The following SIPA1L1 variants were observed in gnomAD, a reference collection of about 807,000 sequenced individuals.
SIPA1L1 encodes signal induced proliferation associated 1 like 1, also known as signal-induced proliferation-associated 1-like protein 1.
In SIPA1L1, 26 loss-of-function variants were observed where a neutral mutation model predicts 162.7. That is an observed-to-expected ratio of 0.16 (90% CI 0.12 to 0.22). The LOEUF (loss-of-function observed/expected upper bound fraction) is 0.22, where lower values mean the gene tolerates loss of function less well. Ranked by LOEUF, SIPA1L1 falls within the 10% of genes least tolerant of loss-of-function variation. The pLI, the probability that SIPA1L1 is intolerant of heterozygous loss-of-function variation, is 1.00. For missense variants in SIPA1L1, 1,874 were observed against 2,241.0 expected (o/e 0.84, Z 3.31); for synonymous variants, 829 against 837.4 (o/e 0.99, Z 0.17).
At chr14:71,738,577 C>G (rs542638644) in intron 23 of SIPA1L1, among the ~76,000 whole-genome samples, 1 of 152,296 alleles carries the variant, frequency 6.6e-6, no homozygotes, top group Admixed American at 6.5e-5. Flanking sequence ...TCTGGGTCCT[C>G]TCCCGGCCTC....
chr14:71,553,007 C>T (rs1028174480), intron 4 of SIPA1L1, among the ~76,000 whole-genome samples: 3 of 152,100 alleles, frequency 2.0e-5, no homozygotes, highest in Admixed American at 1.3e-4. Flanking sequence ...ATGCCAATAG[C>T]GCCTCCTCAG....
intron 2 of SIPA1L1, among the ~76,000 whole-genome samples, chr14:71,401,202 C>G (rs1160513236): frequency 6.6e-6 from 1 of 152,100 alleles, no homozygotes; most frequent in Non-Finnish European, 1.5e-5. Context: ...CTCAAATGCC[C>G]GAAGAGTCAC....
intron 6 of SIPA1L1, among the ~76,000 whole-genome samples, chr14:71,621,574 A>G (rs1415274321): frequency 1.3e-5 from 2 of 151,884 alleles, no homozygotes; most frequent in East Asian, 1.9e-4. Flanking sequence ...TAAAATTTCT[A>G]TTCCCCTCCC....
chr14:71,458,449 CA>C (rs1287331616), intron 2 of SIPA1L1, among the ~76,000 whole-genome samples: 3 of 152,030 alleles, frequency 2.0e-5, no homozygotes, highest in African/African-American at 7.3e-5. Context: ...ATCAGAGTAA[CA>C]AAAATGTTGT....
At chr14:71,625,673 T>C (rs1024052162) in intron 7 of SIPA1L1, among the ~76,000 whole-genome samples, 1 of 152,356 alleles carries the variant, frequency 6.6e-6, no homozygotes, top group Non-Finnish European at 1.5e-5. Flanking sequence ...ATTCTGAACA[T>C]TTATTCTAAC....
At chr14:71,502,251 AAAAAATAT>A (rs1317445205) in intron 2 of SIPA1L1, among the ~76,000 whole-genome samples, 3 of 60,952 alleles carry the variant, frequency 4.9e-5, no homozygotes, top group African/African-American at 1.8e-4. Flanking sequence ...TGAAAAAAAA[AAAAAATAT>A]ATATATATAT....
intron 2 of SIPA1L1, 84 bp downstream of exon 2, chr14:71,321,265 T>G (rs1416388932): frequency 6.6e-6 from 1 of 152,178 alleles, no homozygotes; most frequent in Non-Finnish European, 1.5e-5. Flanking sequence ...TGGCCGGGGT[T>G]GGGGTCCAGG....
intron 2 of SIPA1L1, chr14:71,379,358 C>T (rs942044315): frequency 2.6e-5 from 4 of 151,746 alleles, no homozygotes; most frequent in Non-Finnish European, 4.4e-5. Flanking sequence ...GGCTGGAATA[C>T]AGTGGCCTGA....
intron 16 of SIPA1L1, among the ~76,000 whole-genome samples, chr14:71,706,024 C>T (rs1196928627): frequency 2.6e-5 from 4 of 151,914 alleles, no homozygotes; most frequent in African/African-American, 4.8e-5. Flanking sequence ...TTTATATTCA[C>T]GTCATTCTAT....
intron 2 of SIPA1L1, among the ~76,000 whole-genome samples, chr14:71,367,607 C>CT (rs773250069): frequency 0.039 from 4,749 of 120,976 alleles, 230 homozygotes; most frequent in African/African-American, 0.1. Flanking sequence ...CGTGCCCGGC[C>CT]TTTTTTTTTT....
At chr14:71,579,532 A>G (rs2033616311) in intron 4 of SIPA1L1, among the ~76,000 whole-genome samples, 1 of 152,216 alleles carries the variant, frequency 6.6e-6, no homozygotes, top group Admixed American at 6.5e-5. Flanking sequence ...CCCTTGAGGG[A>G]GAGAGGTTAT....
At chr14:71,541,510 C>A (rs1442863361) in intron 4 of SIPA1L1, among the ~76,000 whole-genome samples, 1 of 152,182 alleles carries the variant, frequency 6.6e-6, no homozygotes, top group Non-Finnish European at 1.5e-5. Flanking sequence ...CTATAATCCC[C>A]CAGCACTTTG....
At chr14:71,675,896 T>C (rs564558928) in intron 12 of SIPA1L1, among the ~76,000 whole-genome samples, 1 of 152,314 alleles carries the variant, frequency 6.6e-6, no homozygotes, top group East Asian at 1.9e-4. Context: ...AATGGATTTG[T>C]GTGTTCACAT....
At chr14:71,340,421 T>C (rs2035530314) in intron 2 of SIPA1L1, among the ~76,000 whole-genome samples, 4 of 152,222 alleles carry the variant, frequency 2.6e-5, no homozygotes, top group Admixed American at 6.5e-5. Context: ...GAATTCATTC[T>C]GTGTTAGGTT....
chr14:71,527,801 T>A (rs1387340957), intron 3 of SIPA1L1, among the ~76,000 whole-genome samples: 1 of 152,196 alleles, frequency 6.6e-6, no homozygotes, highest in Non-Finnish European at 1.5e-5. Context: ...TAGACTTTCA[T>A]GTTTTTCAGT....
At chr14:71,459,564 C>T (rs2046437074) in intron 2 of SIPA1L1, among the ~76,000 whole-genome samples, 3 of 151,982 alleles carry the variant, frequency 2.0e-5, no homozygotes, top group Admixed American at 2.0e-4. Flanking sequence ...AGAGCCAGTC[C>T]GAGTCTCAAA....
rs371216981 is a variant in SIPA1L1, at chr14:71,421,649, T to C, written c.-464-91094T>C. 2.4e-4 allele frequency among the ~76,000 whole-genome samples: 36 copies of C among 152,250 alleles called. No homozygotes were observed. In the South Asian group the frequency reaches 7.5e-3, roughly 32 times the overall value. On this transcript the variant is annotated intron_variant, in intron 2 of 23. Coordinates refer to ENST00000381232, the MANE Select transcript of SIPA1L1 (RefSeq NM_001386936.1). ...ATAGGTAAAGCTTACATTAATGATA[T>C]ATATTATAACAACAGATTGGTTATT...
chr14:71,330,180 A>T (rs1407698765), intron 2 of SIPA1L1, among the ~76,000 whole-genome samples: 2 of 152,180 alleles, frequency 1.3e-5, no homozygotes, highest in African/African-American at 4.8e-5. Flanking sequence ...GGGAACTAAA[A>T]GTGCAATACA....
intron 4 of SIPA1L1, among the ~76,000 whole-genome samples, chr14:71,585,116 G>A (rs796944222): frequency 4.5e-5 from 6 of 132,890 alleles, no homozygotes; most frequent in Non-Finnish European, 8.0e-5. Flanking sequence ...CCCCAAAGGG[G>A]TTTGATGCTA....
Sources: gnomAD v4.1 joint callset for allele counts (sites outside exome capture counted in the v4.1 genomes callset) on GRCh38, gnomAD v4.1.1 for gene constraint, MANE v1.5 for transcripts, NCBI Gene and HGNC (gene_info 2026-07-23, HGNC 2026-07-21) for gene names.